Variants in CAST observed in about 807,000 individuals in gnomAD.
CAST encodes the protein calpastatin, also known as MIR583 host.
CAST carries 76 observed loss-of-function variants against 119.6 expected under a neutral mutation model. That is an observed-to-expected ratio of 0.64 (90% CI 0.53 to 0.77). The LOEUF (loss-of-function observed/expected upper bound fraction) is 0.77, where lower values mean the gene tolerates loss of function less well. Among genes scored for constraint, CAST ranks in the 30% least tolerant of loss-of-function variants. The pLI, the probability that CAST is intolerant of heterozygous loss-of-function variation, is 0.00. For missense variants in CAST, 953 were observed against 946.5 expected (o/e 1.01, Z -0.09); for synonymous variants, 319 against 331.6 (o/e 0.96, Z 0.41).
intron 31 of CAST, 174 bp from the exon 32 acceptor site, chr5:96,772,466 T>A: frequency 6.5e-6 from 1 of 152,680 alleles, no homozygotes. Flanking sequence ...AGAACTGCTC[T>A]AACATTTTTC....
At chr5:96,564,772 A>C (rs1042427205) in intron 1 of CAST, among the ~76,000 whole-genome samples, 3 of 152,214 alleles carry the variant, frequency 2.0e-5, no homozygotes, top group Admixed American at 6.5e-5. Flanking sequence ...TTAGCCAGGC[A>C]TGATGGCATG....
At chr5:96,000,292 A>G in the CAST span, among the ~76,000 whole-genome samples, 1 of 152,066 alleles carries the variant, frequency 6.6e-6, no homozygotes, top group South Asian at 2.1e-4. Context: ...TTTATGGAAC[A>G]TGTTTTTAGT....
intron 2 of CAST, among the ~76,000 whole-genome samples, chr5:96,691,879 G>C (rs1752765364): frequency 6.6e-6 from 1 of 152,112 alleles, no homozygotes. Flanking sequence ...CTTCACTCAG[G>C]GAGCCTTTTC....
upstream of CAST, among the ~76,000 whole-genome samples, chr5:96,522,426 T>C (rs1263229283): frequency 6.6e-6 from 1 of 152,196 alleles, no homozygotes; most frequent in Admixed American, 6.5e-5. Context: ...TGTTTGTTTC[T>C]TCTAGGCAAA....
chr5:96,289,330 G>C, the CAST span, among the ~76,000 whole-genome samples: 1 of 152,154 alleles, frequency 6.6e-6, no homozygotes, highest in African/African-American at 2.4e-5. Flanking sequence ...AATCCTGGCT[G>C]ATATGGTTTG....
rs1482470800 is a variant in CAST at position 96,616,725 on chromosome 5, G to GCTCTCTCT, written c.61-58811_61-58810insTCTCTCTC. ...GTGGCCTCTTAGACACCAAGCGCTC[G>GCTCTCTCT]CTCGCTCTCTCTCTCTCTCTATATA... On this transcript the variant is annotated intron_variant, in intron 1 of 11. Coordinates refer to the CAST transcript ENST00000505143. Among the ~76,000 whole-genome samples, 893 of 138,328 alleles carry GCTCTCTCT rather than the reference G, an allele frequency of 6.5e-3. 18 individuals carry two copies. The highest frequency in any genetic ancestry group is 0.024 in the African/African-American group (833 of 35,102). The allele number at this position is 138,328 out of a possible 152,430, so 90.7% of individuals were successfully genotyped here. A position where few individuals can be genotyped will look rare whatever the true frequency, so the allele number is the denominator to read the frequency against.
the CAST span, among the ~76,000 whole-genome samples, chr5:96,401,311 G>A: frequency 2.0e-5 from 3 of 152,154 alleles, no homozygotes; most frequent in African/African-American, 7.2e-5. Context: ...TGGAGATAGA[G>A]AAGAAGGCCA....
chr5:96,351,667 A>G, the CAST span, among the ~76,000 whole-genome samples: 1 of 152,216 alleles, frequency 6.6e-6, no homozygotes, highest in African/African-American at 2.4e-5. Context: ...AGAAAGAAAC[A>G]CTGAGGGGAA....
chr5:96,729,649 G>A lies in CAST; in HGVS notation c.473G>A (p.Ser158Asn). 6.3e-7 allele frequency: 1 copy of A among 1,599,220 alleles called. No individual in the cohort carries two copies. The highest frequency in any genetic ancestry group is 1.1e-5 in the South Asian group (1 of 90,694). ...CCCAAGCAGGCATCAGATACAGGAA[G>A]TAACGATGCTCACAATAAAAAAGCA... ...SLPKQASDTG[S>N]NDAHNKKAVS... Residue 158 changes from serine to asparagine, a missense_variant, in exon 8 of 32, where the codon AGT (serine) becomes AAT (asparagine). Transcript: ENST00000675179.
the CAST span, among the ~76,000 whole-genome samples, chr5:96,356,821 T>C: frequency 6.6e-6 from 1 of 152,348 alleles, no homozygotes; most frequent in Non-Finnish European, 1.5e-5. Flanking sequence ...GCAGGCTCTT[T>C]TTTGCTTCTA....
At chr5:96,383,454 T>G in the CAST span, among the ~76,000 whole-genome samples, 3 of 152,216 alleles carry the variant, frequency 2.0e-5, no homozygotes, top group East Asian at 5.8e-4. Context: ...GATTTTGTTT[T>G]GTTTTGTTTT....
At chr5:96,744,098 CAT>C (rs1210395148) in intron 16 of CAST, among the ~76,000 whole-genome samples, 3 of 152,168 alleles carry the variant, frequency 2.0e-5, no homozygotes, top group South Asian at 2.1e-4. Context: ...GTTATTTAAA[CAT>C]GTGGGTAACT....
At position 96,666,405 on chromosome 5, in the gene CAST, CTA is replaced by C. The variant is rs1412311044; in HGVS notation, c.75+3910_75+3911del. On this transcript the variant is annotated intron_variant, in intron 1 of 31. Transcript: ENST00000675179. ...TGAATCATCAGTTGATTCTATTAGA[CTA>C]TGTTAATTAAAGGTGTTTCTTAGCC... Among the ~76,000 whole-genome samples the C allele has an allele frequency of 2.0e-5, 3 of 152,174 alleles. No homozygotes were observed. The South Asian group carries it at 6.2e-4, about 32-fold the overall frequency.
At chr5:96,216,555 T>C in the CAST span, among the ~76,000 whole-genome samples, 1 of 152,206 alleles carries the variant, frequency 6.6e-6, no homozygotes, top group Non-Finnish European at 1.5e-5. Context: ...TACCCACACA[T>C]GATTTTGTGT....
chr5:96,081,615 C>T, the CAST span, among the ~76,000 whole-genome samples: 1 of 152,114 alleles, frequency 6.6e-6, no homozygotes, highest in Non-Finnish European at 1.5e-5. Context: ...CCTAGACTGA[C>T]TACTGAAGAC....
At chr5:96,432,161 G>A in the CAST span, 4 of 1,533,432 alleles carry the variant, frequency 2.6e-6, no homozygotes, top group Non-Finnish European at 8.7e-7. Flanking sequence ...GGACTGGCCG[G>A]GCAAAGTTAT....
intron 1 of CAST, among the ~76,000 whole-genome samples, chr5:96,653,257 T>C (rs1580859169): frequency 6.6e-6 from 1 of 152,194 alleles, no homozygotes; most frequent in East Asian, 1.9e-4. Flanking sequence ...CCACCTGGTA[T>C]TGAAGTTATG....
At chr5:96,016,366 T>C in the CAST span, among the ~76,000 whole-genome samples, 1 of 152,234 alleles carries the variant, frequency 6.6e-6, no homozygotes. Context: ...TGAACCCAAG[T>C]CCAGAACTCT....
intron 1 of CAST, among the ~76,000 whole-genome samples, chr5:96,559,093 C>T (rs901777722): frequency 2.0e-5 from 3 of 152,064 alleles, no homozygotes; most frequent in African/African-American, 4.8e-5. Context: ...ATAAACAGAA[C>T]CAATGACAAA....
Sources: allele counts gnomAD v4.1 joint callset (sites outside exome capture counted in the v4.1 genomes callset), GRCh38; gene constraint gnomAD v4.1.1; transcripts MANE v1.5; gene names NCBI Gene and HGNC (gene_info 2026-07-23, HGNC 2026-07-21).